Variants in NCOA7 observed in about 807,000 individuals in gnomAD.
The protein encoded by NCOA7 is nuclear receptor coactivator 7, also known as 140 kDa estrogen receptor-associated protein.
Under a neutral mutation model 104.3 loss-of-function variants are expected in NCOA7, and 45 were observed. The observed-to-expected ratio is 0.43, with a 90% CI of 0.34 to 0.55. The LOEUF (loss-of-function observed/expected upper bound fraction) is 0.55. Ranked by LOEUF, NCOA7 falls within the 20% of genes least tolerant of loss-of-function variation. The probability of loss-of-function intolerance (pLI) is 0.02; values close to 1 mark genes in which losing one functional copy is unlikely to be tolerated. For synonymous variants in NCOA7, 398 were observed against 402.3 expected, an observed-to-expected ratio of 0.99 and a Z score of 0.13; for missense variants, 1,041 against 1,119.7, an observed-to-expected ratio of 0.93 and a Z score of 1.00.
At chr6:125,855,478 C>CCTG in intron 3 of NCOA7, 1 of 364,480 alleles carries the variant, frequency 2.7e-6, no homozygotes, top group East Asian at 4.9e-5. Flanking sequence ...TTGTGTACTA[C>CCTG]TAAACGTTTA....
intron 11 of NCOA7, among the ~76,000 whole-genome samples, chr6:125,917,482 C>T (rs902772268): frequency 2.6e-5 from 4 of 152,186 alleles, no homozygotes; most frequent in African/African-American, 4.8e-5. Flanking sequence ...ACCATCTCCT[C>T]TGTGAATAAG....
intron 5 of NCOA7, 142 bp from the exon 6 acceptor site, chr6:125,880,945 TAAG>T (rs1392566310): frequency 1.6e-6 from 1 of 640,010 alleles, no homozygotes; most frequent in Admixed American, 2.6e-5. Context: ...TAGAAAACCG[TAAG>T]TTGCTTATGA....
chr6:125,856,075 A>T (rs1287761683), intron 3 of NCOA7, among the ~76,000 whole-genome samples: 2 of 152,182 alleles, frequency 1.3e-5, no homozygotes, highest in Non-Finnish European at 2.9e-5. Context: ...TCACATGCAT[A>T]CATGGATTTT....
chr6:125,921,792 C>A (rs889026326), intron 12 of NCOA7, among the ~76,000 whole-genome samples: 18 of 152,110 alleles, frequency 1.2e-4, no homozygotes, highest in Non-Finnish European at 2.4e-4. Context: ...ATGAAAAATA[C>A]CTACCTACAG....
intron 3 of NCOA7, among the ~76,000 whole-genome samples, chr6:125,872,029 A>G (rs1401990199): frequency 6.6e-6 from 1 of 150,588 alleles, no homozygotes; most frequent in Non-Finnish European, 1.5e-5. Flanking sequence ...GACACAAGAC[A>G]TTTAAGGATG....
chr6:125,928,498 A>C, intron 15 of NCOA7, 138 bp from the exon 16 acceptor site: 1 of 985,764 alleles, frequency 1.0e-6, no homozygotes. Context: ...AAATAAAGGA[A>C]ATGTATCCTG....
Position 125,840,130 on chromosome 6 carries a change from T to C in NCOA7, c.51-14890T>C, listed in dbSNP as rs916106528. Among the ~76,000 whole-genome samples, 3 of 152,074 alleles carry C rather than the reference T, an allele frequency of 2.0e-5. No individual in the cohort carries two copies. The South Asian group carries it at 6.2e-4, about 31-fold the overall frequency. On this transcript the variant is annotated intron_variant, in intron 2 of 15. Transcript: ENST00000392477. ...TGGAAGACAATGACGTTGATGTTCC[T>C]GACCCTGTGTAGACCCTCTGTGTTT...
At chr6:125,902,528 T>C (rs1349493942) in intron 10 of NCOA7, among the ~76,000 whole-genome samples, 2 of 152,048 alleles carry the variant, frequency 1.3e-5, no homozygotes, top group Non-Finnish European at 2.9e-5. Flanking sequence ...AACAGTAAAT[T>C]AAATCCTACC....
chr6:125,828,695 G>A (rs1378331009), intron 2 of NCOA7, among the ~76,000 whole-genome samples: 1 of 152,184 alleles, frequency 6.6e-6, no homozygotes, highest in East Asian at 1.9e-4. Context: ...AGCAAGGCAG[G>A]AGAGGAGCCA....
chr6:125,829,759 A>G (rs1417855331), intron 2 of NCOA7, among the ~76,000 whole-genome samples: 2 of 134,734 alleles, frequency 1.5e-5, no homozygotes, highest in East Asian at 5.1e-4. Flanking sequence ...CTCTAAGAGT[A>G]TAGAAGCACC....
At chr6:125,906,061 C>T (rs1223651772) in intron 10 of NCOA7, among the ~76,000 whole-genome samples, 3 of 152,080 alleles carry the variant, frequency 2.0e-5, no homozygotes, top group Non-Finnish European at 2.9e-5. Flanking sequence ...CCTCGGCTTC[C>T]CAAAGTCCTG....
At chr6:125,832,647 G>T (rs191606204) in intron 2 of NCOA7, among the ~76,000 whole-genome samples, 359 of 152,304 alleles carry the variant, frequency 2.4e-3, no homozygotes, top group African/African-American at 8.6e-3. Flanking sequence ...TTCACTTAGG[G>T]CCCTTAAGGG....
Position 125,927,871 on chromosome 6 carries a change from G to A in NCOA7, c.2619+113G>A, listed in dbSNP as rs533918211. On this transcript the variant is annotated intron_variant, in intron 14 of 15. Coordinates refer to ENST00000392477, the MANE Select transcript of NCOA7 (RefSeq NM_181782.5). ...CTGTAACTTCTCCTGAACTGACTCC[G>A]GGCTGGGTCAGCCCTTTATGACTGT... The A allele has an allele frequency of 4.1e-5, 38 of 921,292 alleles. 1 individual carries two copies. In the South Asian group the frequency reaches 4.7e-4, roughly 12 times the overall value. 57.1% of individuals were successfully genotyped at this position (921,292 alleles called of 1,614,324 possible). A position where few individuals can be genotyped will look rare whatever the true frequency, so the allele number is the denominator to read the frequency against.
intron 10 of NCOA7, among the ~76,000 whole-genome samples, chr6:125,909,637 C>A (rs988033324): frequency 6.6e-6 from 1 of 152,014 alleles, no homozygotes; most frequent in African/African-American, 2.4e-5. Flanking sequence ...GGTGAAACCC[C>A]GTCTCTACTA....
intron 2 of NCOA7, among the ~76,000 whole-genome samples, chr6:125,826,188 G>A (rs1189760824): frequency 5.3e-5 from 8 of 152,126 alleles, no homozygotes; most frequent in African/African-American, 1.7e-4. Context: ...TTAGCCAGGC[G>A]TGGCAGTGTG....
At chr6:125,843,364 C>T (rs1383005715) in intron 2 of NCOA7, among the ~76,000 whole-genome samples, 3 of 152,048 alleles carry the variant, frequency 2.0e-5, no homozygotes, top group Non-Finnish European at 4.4e-5. Context: ...CCTGGTGAGT[C>T]TGATTTTAGA....
At chr6:125,823,907 G>A (rs541655824) in intron 2 of NCOA7, among the ~76,000 whole-genome samples, 16 of 152,142 alleles carry the variant, frequency 1.1e-4, no homozygotes, top group South Asian at 8.3e-4. Flanking sequence ...GTTGTATGTA[G>A]TAAGAATAAA....
At chr6:125,807,017 C>T (rs1171660122) in intron 1 of NCOA7, among the ~76,000 whole-genome samples, 1 of 152,144 alleles carries the variant, frequency 6.6e-6, no homozygotes, top group Admixed American at 6.5e-5. Context: ...AGTATGTGCC[C>T]TGTCACTCTT....
Position 125,885,335 on chromosome 6 carries a change from C to G in NCOA7, c.876C>G (p.Ala292=), listed in dbSNP as rs763569841. Residue 292 remains alanine, a synonymous_variant, in exon 8 of 16, where the codon GCC becomes GCG. Coordinates refer to ENST00000392477, the MANE Select transcript of NCOA7 (RefSeq NM_181782.5). The part of the protein sequence containing the change: ...NDISHMKIKD[A]LPSDLPQDLC... Reference sequence around the variant, plus strand: ...TTTCTCACATGAAGATCAAAGATGCCTTGCCATCGTAAGACATTTATTTGT... The same window carrying G: ...TTTCTCACATGAAGATCAAAGATGCGTTGCCATCGTAAGACATTTATTTGT... 1 of 1,613,140 alleles carries G rather than the reference C, an allele frequency of 6.2e-7. No individual in the cohort carries two copies. The highest frequency in any genetic ancestry group is 8.5e-7 in the Non-Finnish European group (1 of 1,179,254).
Sources: allele counts gnomAD v4.1 joint callset (sites outside exome capture counted in the v4.1 genomes callset), GRCh38; gene constraint gnomAD v4.1.1; transcripts MANE v1.5; gene names NCBI Gene and HGNC (gene_info 2026-07-23, HGNC 2026-07-21).